Variants in CLASP1 observed in about 807,000 individuals in gnomAD.
The protein encoded by CLASP1 is CLIP-associating protein 1.
A neutral mutation model predicts 192.3 loss-of-function variants in CLASP1; 38 were observed. That is an observed-to-expected ratio of 0.20 (90% CI 0.15 to 0.26). The LOEUF (loss-of-function observed/expected upper bound fraction) is 0.26, where lower values mean the gene tolerates loss of function less well. Ranked by LOEUF, CLASP1 falls within the 10% of genes least tolerant of loss-of-function variation. The pLI, the probability that CLASP1 is intolerant of heterozygous loss-of-function variation, is 1.00. For missense variants in CLASP1, 1,433 were observed against 1,932.5 expected (o/e 0.74, Z 4.85); for synonymous variants, 691 against 712.8 (o/e 0.97, Z 0.49).
chr2:121,395,607 C>A (rs1299531671), intron 30 of CLASP1, among the ~76,000 whole-genome samples: 1 of 152,212 alleles, frequency 6.6e-6, no homozygotes, highest in Non-Finnish European at 1.5e-5. Context: ...TCCCTAAACT[C>A]ATCACTTATG....
Position 121,574,980 on chromosome 2 carries a change from T to C in CLASP1, c.195+30721A>G, listed in dbSNP as rs570369477. ...AGAAACCACTGAGAGATTTTAAATC[T>C]TCTCACCATAAAAAAAAAACTATGT... On this transcript the variant is annotated intron_variant, in intron 2 of 39. Coordinates refer to ENST00000263710, the Ensembl canonical transcript of CLASP1. Among the ~76,000 whole-genome samples the C allele has an allele frequency of 3.7e-4, 56 of 152,092 alleles. No homozygotes were observed. The South Asian group carries it at 9.5e-3, about 26-fold the overall frequency.
At chr2:121,572,230 G>A (rs1048743642) in intron 2 of CLASP1, among the ~76,000 whole-genome samples, 7 of 151,938 alleles carry the variant, frequency 4.6e-5, no homozygotes, top group African/African-American at 7.2e-5. Context: ...AGATCGAGAC[G>A]ATCCTGGCTA....
At chr2:121,548,103 G>A (rs2057652116) in intron 2 of CLASP1, among the ~76,000 whole-genome samples, 1 of 152,140 alleles carries the variant, frequency 6.6e-6, no homozygotes, top group Non-Finnish European at 1.5e-5. Flanking sequence ...TTAGAATATG[G>A]ATAGGAACCA....
chr2:121,618,051 T>C (rs924134599), intron 1 of CLASP1, among the ~76,000 whole-genome samples: 4 of 152,228 alleles, frequency 2.6e-5, no homozygotes, highest in Non-Finnish European at 2.9e-5. Flanking sequence ...CAGAGACCCA[T>C]TGGAAGGCCA....
intron 2 of CLASP1, among the ~76,000 whole-genome samples, chr2:121,586,893 G>C (rs1468886095): frequency 6.6e-6 from 1 of 152,202 alleles, no homozygotes; most frequent in Non-Finnish European, 1.5e-5. Context: ...GACCAAGCAA[G>C]TTGGCTGATC....
chr2:121,588,290 A>G (rs1490138794), intron 2 of CLASP1, among the ~76,000 whole-genome samples: 1 of 152,144 alleles, frequency 6.6e-6, no homozygotes, highest in African/African-American at 2.4e-5. Flanking sequence ...TGTATGTCTG[A>G]AGTCTTAAAG....
intron 3 of CLASP1, 42 bp from the exon 4 acceptor site, chr2:121,528,822 G>C (rs764287499): frequency 1.0e-5 from 15 of 1,460,848 alleles, no homozygotes; most frequent in Non-Finnish European, 1.4e-5. Context: ...AACCCTATTT[G>C]GGGGTCTGTG....
chr2:121,465,117 G>A (rs977387045), intron 9 of CLASP1, among the ~76,000 whole-genome samples: 4 of 152,146 alleles, frequency 2.6e-5, no homozygotes, highest in African/African-American at 9.7e-5. Context: ...CACAAGACAG[G>A]GATGCCCTCT....
chr2:121,363,145 G>C, intron 37 of CLASP1, 27 bp downstream of exon 38: 1 of 1,613,372 alleles, frequency 6.2e-7, no homozygotes, highest in Non-Finnish European at 8.5e-7. Flanking sequence ...CGTCTGTTCA[G>C]CACCCCTGGC....
chr2:121,602,483 A>G (rs772493400), intron 2 of CLASP1, among the ~76,000 whole-genome samples: 3 of 152,236 alleles, frequency 2.0e-5, no homozygotes, highest in Non-Finnish European at 2.9e-5. Context: ...GAACCACAAA[A>G]GACCCTGAAT....
In CLASP1 at chr2:121,623,822, T is replaced by C. The variant is rs115125133; in HGVS notation, c.-285-17642A>G. 6.4e-3 allele frequency among the ~76,000 whole-genome samples: 973 copies of C among 152,314 alleles called. 15 individuals carry two copies. Among genetic ancestry groups the C allele is most frequent in the African/African-American group, 0.023 (941 of 41,580 alleles). ...AACATCACATCACTGCACTCCACCC[T>C]GAGCAACAGAGCAAGACTCCATCTG... On this transcript the variant is annotated intron_variant, in intron 1 of 39. Transcript: ENST00000263710.
At chr2:121,603,706 G>A (rs1344218129) in intron 2 of CLASP1, among the ~76,000 whole-genome samples, 1 of 152,138 alleles carries the variant, frequency 6.6e-6, no homozygotes, top group Non-Finnish European at 1.5e-5. Context: ...TAAAGAAAAT[G>A]TGGTATATTC....
intron 2 of CLASP1, among the ~76,000 whole-genome samples, chr2:121,592,721 G>A (rs182447344): frequency 1.1e-4 from 16 of 152,036 alleles, no homozygotes; most frequent in African/African-American, 2.4e-4. Context: ...GCATGATCTC[G>A]GCTCACTGCA....
chr2:121,644,581 G>A (rs2072786933), intron 1 of CLASP1, among the ~76,000 whole-genome samples: 1 of 152,124 alleles, frequency 6.6e-6, no homozygotes, highest in Non-Finnish European at 1.5e-5. Flanking sequence ...CTTGAACCTG[G>A]GAGATGGAGG....
intron 30 of CLASP1, among the ~76,000 whole-genome samples, chr2:121,395,893 G>A (rs548372511): frequency 3.3e-5 from 5 of 152,166 alleles, no homozygotes; most frequent in African/African-American, 7.2e-5. Context: ...GCAACACTCC[G>A]TAGCAAGAGA....
At chr2:121,563,227 C>G (rs1169938835) in intron 2 of CLASP1, among the ~76,000 whole-genome samples, 1 of 152,228 alleles carries the variant, frequency 6.6e-6, no homozygotes, top group Non-Finnish European at 1.5e-5. Flanking sequence ...CTTGATTTTT[C>G]TCCACTTTTT....
chr2:121,506,857 A>G (rs1386722449), intron 7 of CLASP1, among the ~76,000 whole-genome samples: 1 of 152,228 alleles, frequency 6.6e-6, no homozygotes, highest in African/African-American at 2.4e-5. Flanking sequence ...TTCAGTGGCA[A>G]CATATAACAA....
intron 1 of CLASP1, among the ~76,000 whole-genome samples, chr2:121,618,600 T>C (rs1191417992): frequency 1.3e-5 from 2 of 152,234 alleles, no homozygotes; most frequent in Non-Finnish European, 2.9e-5. Context: ...TATTCATATG[T>C]TTTAATACTG....
At chr2:121,631,374 G>A (rs535794246) in intron 1 of CLASP1, among the ~76,000 whole-genome samples, 1 of 138,130 alleles carries the variant, frequency 7.2e-6, no homozygotes, top group African/African-American at 2.7e-5. Flanking sequence ...TGCAACTTCC[G>A]CCTCCTAGAT....
Sources: gnomAD v4.1 joint callset for allele counts (sites outside exome capture counted in the v4.1 genomes callset) on GRCh38, gnomAD v4.1.1 for gene constraint, MANE v1.5 for transcripts, NCBI Gene and HGNC (gene_info 2026-07-23, HGNC 2026-07-21) for gene names.